CNTNAP2: variants seen among roughly 807,000 people sequenced by gnomAD.
CNTNAP2 encodes contactin-associated protein-like 2.
CNTNAP2 carries 98 observed loss-of-function variants against 155.2 expected under a neutral mutation model. That is an observed-to-expected ratio of 0.63 (90% confidence interval 0.54 to 0.75). The LOEUF is 0.75. Ranked by LOEUF, CNTNAP2 falls within the 30% of genes least tolerant of loss-of-function variation. The pLI, the probability that CNTNAP2 is intolerant of heterozygous loss-of-function variation, is 0.00. For missense variants in CNTNAP2, 1,727 were observed against 1,688.1 expected (o/e 1.02, Z -0.40); for synonymous variants, 651 against 631.2 (o/e 1.03, Z -0.47).
chr7:147,156,558 A>G lies in CNTNAP2; in HGVS notation c.1348+24049A>G, dbSNP rs149162932. Among the ~76,000 whole-genome samples the G allele has an allele frequency of 1.3e-3, 195 of 152,274 alleles. 2 individuals carry two copies. The highest frequency in any genetic ancestry group is 4.3e-3 in the African/African-American group (178 of 41,548). On this transcript the variant is annotated intron_variant, in intron 8 of 23. Coordinates refer to ENST00000361727, the MANE Select transcript of CNTNAP2 (RefSeq NM_014141.6). ...CATTGCATAAACCCTGCATATGCAC[A>G]CTGTGCCTTAAACCATTCAATGTGC...
At chr7:147,856,344 T>C (rs1799039610) in intron 13 of CNTNAP2, among the ~76,000 whole-genome samples, 1 of 152,180 alleles carries the variant, frequency 6.6e-6, no homozygotes, top group Admixed American at 6.5e-5. Flanking sequence ...AGCGGACTCA[T>C]GTGTGCCCTG....
chr7:147,163,245 C>A (rs1802061214), intron 8 of CNTNAP2, among the ~76,000 whole-genome samples: 1 of 152,228 alleles, frequency 6.6e-6, no homozygotes, highest in East Asian at 1.9e-4. Flanking sequence ...GATGGCTAGG[C>A]TGTGCATAAA....
intron 3 of CNTNAP2, among the ~76,000 whole-genome samples, chr7:146,991,049 T>C (rs1798200018): frequency 6.6e-6 from 1 of 152,030 alleles, no homozygotes; most frequent in South Asian, 2.1e-4. Context: ...CTGGTTTCAG[T>C]TTAATAGGTG....
At chr7:148,414,870 G>A (rs1799940667) in intron 23 of CNTNAP2, 1 of 163,252 alleles carries the variant, frequency 6.1e-6, no homozygotes, top group Non-Finnish European at 1.4e-5. Flanking sequence ...TTTTTTGCCT[G>A]GCCTGTGGAC....
chr7:147,898,447 TA>T (rs1240382925), intron 13 of CNTNAP2, among the ~76,000 whole-genome samples: 1 of 152,228 alleles, frequency 6.6e-6, no homozygotes, highest in East Asian at 1.9e-4. Context: ...TGAGCACTCA[TA>T]GAGTCAAGTG....
At position 147,977,960 on chromosome 7, in the gene CNTNAP2, G is replaced by A. The variant is rs1275452667; in HGVS notation, c.2354G>A (p.Ser785Asn). The change falls in exon 15 of 24, where the codon AGC becomes AAC. Residue 785 changes from serine (S) to asparagine (N), a missense_variant. Transcript: ENST00000361727. ...CGTCAAGGCTCAGAAGCCAAATTGAGCGTAGGTCCTCTGCGCTGCCAAGGA... is the reference window on the plus strand; with the variant it reads ...CGTCAAGGCTCAGAAGCCAAATTGAACGTAGGTCCTCTGCGCTGCCAAGGA... ...TDRQGSEAKL[S>N]VGPLRCQGDR... 6.2e-6 allele frequency: 10 copies of A among 1,613,990 alleles called. No homozygotes were observed. The highest frequency in any genetic ancestry group is 8.5e-6 in the Non-Finnish European group (10 of 1,180,016).
intron 1 of CNTNAP2, among the ~76,000 whole-genome samples, chr7:146,547,632 A>G (rs1335111827): frequency 1.3e-5 from 2 of 151,948 alleles, no homozygotes; most frequent in Admixed American, 6.6e-5. Context: ...CTCAAGATTC[A>G]TCCACATTGC....
In CNTNAP2 at chr7:147,389,362, T is replaced by C. The variant is rs964895298; in HGVS notation, c.1499-6247T>C. Among the ~76,000 whole-genome samples the C allele has an allele frequency of 2.6e-5, 4 of 152,218 alleles. No individual in the cohort carries two copies. The East Asian group carries it at 7.7e-4, about 29-fold the overall frequency. ...AAAAAAGGCAGAGAGAAGCTTTATA[T>C]GCACTTGGTTTTAAACATGTCAATT... On this transcript the variant is annotated intron_variant, in intron 9 of 23. Coordinates refer to ENST00000361727, the MANE Select transcript of CNTNAP2 (RefSeq NM_014141.6).
chr7:147,510,248 G>A (rs1021956656), intron 11 of CNTNAP2, among the ~76,000 whole-genome samples: 1 of 152,092 alleles, frequency 6.6e-6, no homozygotes, highest in African/African-American at 2.4e-5. Flanking sequence ...AGACTCTGAG[G>A]GCTAAAACCC....
chr7:147,482,211 T>C (rs1584761534), intron 10 of CNTNAP2, among the ~76,000 whole-genome samples: 1 of 152,304 alleles, frequency 6.6e-6, no homozygotes, highest in East Asian at 1.9e-4. Flanking sequence ...CATAGGTTAC[T>C]AGTTCTGTGG....
rs756615554 is a variant in CNTNAP2, at chr7:148,366,970, C to T, written c.3476-16679C>T. Among the ~76,000 whole-genome samples, 22 of 152,206 alleles carry T rather than the reference C, an allele frequency of 1.4e-4. 1 individual carries two copies. The highest frequency in any genetic ancestry group is 4.3e-4 in the African/African-American group (18 of 41,462). ...CATCACAGCTGTGCGCGGTGGCTCA[C>T]GCCTGTAGTCCCAACACTTTGGGAG... On this transcript the variant is annotated intron_variant, in intron 21 of 23. Transcript: ENST00000361727.
At chr7:146,863,505 A>C (rs1041233628) in intron 3 of CNTNAP2, among the ~76,000 whole-genome samples, 9 of 152,110 alleles carry the variant, frequency 5.9e-5, no homozygotes, top group African/African-American at 2.2e-4. Flanking sequence ...TAAAATGAGA[A>C]TAGCCTTGAT....
intron 1 of CNTNAP2, among the ~76,000 whole-genome samples, chr7:146,484,546 T>G (rs1041979169): frequency 2.0e-5 from 3 of 151,876 alleles, no homozygotes; most frequent in Non-Finnish European, 4.4e-5. Context: ...CACAAAAGAG[T>G]TGGTGAATCT....
intron 1 of CNTNAP2, among the ~76,000 whole-genome samples, chr7:146,209,477 T>C (rs534141854): frequency 7.9e-5 from 12 of 152,314 alleles, no homozygotes; most frequent in Non-Finnish European, 2.9e-5. Flanking sequence ...CTCACCCAGC[T>C]TTGTGATTTT....
At chr7:147,347,957 G>C (rs1271882729) in intron 9 of CNTNAP2, among the ~76,000 whole-genome samples, 1 of 152,030 alleles carries the variant, frequency 6.6e-6, no homozygotes, top group African/African-American at 2.4e-5. Flanking sequence ...AATAAATGGT[G>C]TTGGGAAAAC....
At chr7:147,825,939 G>A (rs915856168) in intron 13 of CNTNAP2, among the ~76,000 whole-genome samples, 3 of 152,162 alleles carry the variant, frequency 2.0e-5, no homozygotes, top group Admixed American at 6.6e-5. Context: ...GAAACCTTAA[G>A]GTGACCATTC....
chr7:147,317,950 C>T (rs1352245095), intron 9 of CNTNAP2, among the ~76,000 whole-genome samples: 1 of 151,894 alleles, frequency 6.6e-6, no homozygotes, highest in East Asian at 1.9e-4. Flanking sequence ...CCACCCATTC[C>T]TCACTGTAAA....
At chr7:146,823,144 T>C (rs574221864) in intron 2 of CNTNAP2, among the ~76,000 whole-genome samples, 6 of 138,168 alleles carry the variant, frequency 4.3e-5, no homozygotes, top group South Asian at 4.8e-4. Context: ...CTTCAGCATA[T>C]TTACATGGAA....
chr7:147,912,431 A>T (rs1327573368), intron 14 of CNTNAP2, among the ~76,000 whole-genome samples: 1 of 152,132 alleles, frequency 6.6e-6, no homozygotes, highest in African/African-American at 2.4e-5. Flanking sequence ...TTACTCTGCC[A>T]GCTGCAGCTG....
Sources: gnomAD v4.1 joint callset for allele counts (sites outside exome capture counted in the v4.1 genomes callset) on GRCh38, gnomAD v4.1.1 for gene constraint, MANE v1.5 for transcripts, NCBI Gene and HGNC (gene_info 2026-07-23, HGNC 2026-07-21) for gene names.